TEKT5: variants seen among roughly 807,000 people sequenced by gnomAD.
The protein encoded by TEKT5 is tektin 5.
TEKT5 carries 52 observed loss-of-function variants against 48.7 expected under a neutral mutation model. The observed-to-expected ratio is 1.07, with a 90% CI of 0.86 to 1.35. The LOEUF (loss-of-function observed/expected upper bound fraction) is 1.35, where lower values mean the gene tolerates loss of function less well. Among genes scored for constraint, TEKT5 ranks in the 40% most tolerant of loss-of-function variants. TEKT5 has a pLI of 0.00. For synonymous variants in TEKT5, 318 were observed against 267.6 expected (o/e 1.19, Z -1.84); for missense variants, 831 against 641.6 (o/e 1.30, Z -3.19).
intron 5 of TEKT5, among the ~76,000 whole-genome samples, chr16:10,667,008 G>C (rs1898470246): frequency 7.5e-6 from 1 of 133,534 alleles, no homozygotes; most frequent in Non-Finnish European, 1.6e-5. Context: ...TTTTGAGACA[G>C]GGTCTCACTC....
At chr16:10,688,751 A>T (rs529021244) in intron 3 of TEKT5, among the ~76,000 whole-genome samples, 8 of 152,348 alleles carry the variant, frequency 5.3e-5, no homozygotes, top group African/African-American at 1.9e-4. Context: ...TAATCTTGTA[A>T]GAACAAAAAG....
At chr16:10,674,499 G>C (rs982327986) in intron 5 of TEKT5, among the ~76,000 whole-genome samples, 2 of 151,628 alleles carry the variant, frequency 1.3e-5, no homozygotes, top group Non-Finnish European at 2.9e-5. Flanking sequence ...GCCAGGTGTG[G>C]TGGCACGCAC....
intron 4 of TEKT5, among the ~76,000 whole-genome samples, chr16:10,681,147 C>A (rs1479060370): frequency 6.6e-6 from 1 of 151,602 alleles, no homozygotes; most frequent in Non-Finnish European, 1.5e-5. Context: ...TGAGGTCACA[C>A]AGTAAGCACT....
At chr16:10,654,944 ACC>A (rs796414949) in intron 5 of TEKT5, among the ~76,000 whole-genome samples, 16,369 of 67,610 alleles carry the variant, frequency 0.24, 1,599 homozygotes, top group Non-Finnish European at 0.27. Flanking sequence ...CCCCTCCCCC[ACC>A]CCCCCCCCCC....
Position 10,690,440 on chromosome 16 carries a change from T to C in TEKT5, c.565-415A>G, listed in dbSNP as rs143623322. ...CTGACTTCAATCGGGGCTTGACCACTTCCTATTGTGTGCATTTGGGCAAAC... is the reference window on the plus strand; with the variant it reads ...CTGACTTCAATCGGGGCTTGACCACCTCCTATTGTGTGCATTTGGGCAAAC... On this transcript the variant is annotated intron_variant, in intron 1 of 6. Transcript: ENST00000283025. Among the ~76,000 whole-genome samples the C allele has an allele frequency of 9.3e-3, 1,410 of 152,332 alleles. 11 individuals carry two copies. Among genetic ancestry groups the C allele is most frequent in the Non-Finnish European group, 0.015 (1,015 of 68,022 alleles).
Position 10,694,364 on chromosome 16 carries a change from C to T in TEKT5, c.510G>A (p.Glu170=), listed in dbSNP as rs577230758. ...CGCACTCCAGCCGCCTCTTGACCGTCTCCAAGTTCTGGTTCTCAGTCAGAA... is the reference window on the plus strand; with the variant it reads ...CGCACTCCAGCCGCCTCTTGACCGTTTCCAAGTTCTGGTTCTCAGTCAGAA... ...DRLLTENQNL[E]TVKRRLECAA... The change falls in exon 1 of 7, where the codon GAG becomes GAA. Residue 170 remains glutamate, a synonymous_variant. Transcript: ENST00000283025. The T allele has an allele frequency of 7.4e-6, 12 of 1,613,540 alleles. No individual in the cohort carries two copies. In the Admixed American group the frequency reaches 2.0e-4, roughly 27 times the overall value.
intron 5 of TEKT5, among the ~76,000 whole-genome samples, chr16:10,647,132 G>A (rs1364224091): frequency 6.6e-6 from 1 of 152,058 alleles, no homozygotes; most frequent in Non-Finnish European, 1.5e-5. Flanking sequence ...AGAGCCTATT[G>A]CTGGGGTGGA....
chr16:10,684,545 G>A (rs9922775), intron 3 of TEKT5, among the ~76,000 whole-genome samples: 17,044 of 152,060 alleles, frequency 0.11, 1,089 homozygotes, highest in African/African-American at 0.17. Flanking sequence ...CCCCAGTCCC[G>A]GGGCCCTTGG....
At chr16:10,692,707 C>A (rs529113986) in intron 1 of TEKT5, 1 of 152,218 alleles carries the variant, frequency 6.6e-6, no homozygotes. Flanking sequence ...AGCAATGGTG[C>A]CCATTGATGC....
chr16:10,644,390 C>T (rs1203364433), intron 5 of TEKT5, among the ~76,000 whole-genome samples: 1 of 152,194 alleles, frequency 6.6e-6, no homozygotes, highest in East Asian at 1.9e-4. Context: ...GTTCGCAGAT[C>T]CCCACATCGG....
intron 5 of TEKT5, among the ~76,000 whole-genome samples, chr16:10,651,588 T>G (rs1898156535): frequency 6.6e-6 from 1 of 152,208 alleles, no homozygotes; most frequent in South Asian, 2.1e-4. Context: ...GCTTTGCATA[T>G]ATTAGTCAAT....
intron 5 of TEKT5, among the ~76,000 whole-genome samples, chr16:10,673,521 T>C (rs1232656092): frequency 6.6e-6 from 1 of 152,074 alleles, no homozygotes; most frequent in Non-Finnish European, 1.5e-5. Context: ...GATGCCAACT[T>C]TGCCTTCTCC....
intron 5 of TEKT5, among the ~76,000 whole-genome samples, chr16:10,660,661 C>CTGTGTGTGTGTGTGTGTGTG (rs4028826): frequency 6.9e-6 from 1 of 144,304 alleles, no homozygotes; most frequent in African/African-American, 2.7e-5. Flanking sequence ...GAGTGCAAGG[C>CTGTGTGTGTGTGTGTGTGTG]TGTGTGTGTG....
At chr16:10,630,810 G>A (rs1419784631) in intron 6 of TEKT5, among the ~76,000 whole-genome samples, 1 of 152,062 alleles carries the variant, frequency 6.6e-6, no homozygotes, top group African/African-American at 2.4e-5. Context: ...CTTGAGGTCA[G>A]GGGTTCGAGA....
intron 5 of TEKT5, among the ~76,000 whole-genome samples, chr16:10,673,092 C>A (rs1000830000): frequency 6.6e-6 from 1 of 152,174 alleles, no homozygotes; most frequent in Non-Finnish European, 1.5e-5. Context: ...CAGTCTGGCT[C>A]AGGGTCAGTG....
At chr16:10,648,394 T>C (rs990497468) in intron 5 of TEKT5, among the ~76,000 whole-genome samples, 4 of 152,102 alleles carry the variant, frequency 2.6e-5, no homozygotes, top group Non-Finnish European at 5.9e-5. Flanking sequence ...CTCGGCTCAC[T>C]GCAACCTCCG....
At chr16:10,639,596 T>C (rs982499142) in intron 5 of TEKT5, among the ~76,000 whole-genome samples, 20 of 152,218 alleles carry the variant, frequency 1.3e-4, no homozygotes, top group South Asian at 2.1e-4. Context: ...CCCTAGCACA[T>C]ACTAAGTGCT....
chr16:10,692,232 G>C (rs146946434), intron 1 of TEKT5, among the ~76,000 whole-genome samples: 1 of 152,212 alleles, frequency 6.6e-6, no homozygotes, highest in Non-Finnish European at 1.5e-5. Context: ...AGGGAGAGCA[G>C]TAGGTCTGGG....
chr16:10,687,027 T>C (rs1250154517), intron 3 of TEKT5, among the ~76,000 whole-genome samples: 2 of 152,130 alleles, frequency 1.3e-5, no homozygotes, highest in East Asian at 3.8e-4. Context: ...ATGTGGAATC[T>C]AAAACAAGCG....
Sources: allele counts gnomAD v4.1 joint callset (sites outside exome capture counted in the v4.1 genomes callset), GRCh38; gene constraint gnomAD v4.1.1; transcripts MANE v1.5; gene names NCBI Gene and HGNC (gene_info 2026-07-23, HGNC 2026-07-21).